The following MDGA2 variants were observed in gnomAD, a reference collection of about 807,000 sequenced individuals.
MDGA2 encodes the protein MAM domain-containing glycosylphosphatidylinositol anchor protein 2.
MDGA2 carries 40 observed loss-of-function variants against 117.8 expected under a neutral mutation model. That is an observed-to-expected ratio of 0.34 (90% CI 0.26 to 0.44). The LOEUF (loss-of-function observed/expected upper bound fraction) is 0.44. Among genes scored for constraint, MDGA2 ranks in the 20% least tolerant of loss-of-function variants. MDGA2 has a pLI of 1.00. For synonymous variants in MDGA2, 452 were observed against 439.0 expected, an observed-to-expected ratio of 1.03 and a Z score of -0.37; for missense variants, 1,123 against 1,250.6, an observed-to-expected ratio of 0.90 and a Z score of 1.54.
At chr14:47,477,023 G>A (rs1014123578) in intron 1 of MDGA2, among the ~76,000 whole-genome samples, 2 of 152,168 alleles carry the variant, frequency 1.3e-5, no homozygotes, top group African/African-American at 4.8e-5. Flanking sequence ...TTTGCCGAGC[G>A]TGGTGGCGCA....
chr14:47,055,419 C>T (rs1366235641), intron 7 of MDGA2, among the ~76,000 whole-genome samples: 1 of 152,000 alleles, frequency 6.6e-6, no homozygotes, highest in Non-Finnish European at 1.5e-5. Flanking sequence ...CTTAATCCAG[C>T]TCAGATGCTA....
chr14:47,607,801 C>T (rs1051944991), intron 1 of MDGA2, among the ~76,000 whole-genome samples: 1 of 151,938 alleles, frequency 6.6e-6, no homozygotes, highest in Non-Finnish European at 1.5e-5. Flanking sequence ...TCAGTATGTT[C>T]AAATAAGTAG....
intron 5 of MDGA2, among the ~76,000 whole-genome samples, chr14:47,110,067 G>A (rs1241459267): frequency 6.6e-6 from 1 of 151,860 alleles, no homozygotes; most frequent in African/African-American, 2.4e-5. Context: ...CAACTTGCAA[G>A]TTATTTCATT....
chr14:47,034,288 T>C (rs1452909231), intron 8 of MDGA2, among the ~76,000 whole-genome samples: 2 of 152,190 alleles, frequency 1.3e-5, no homozygotes, highest in Non-Finnish European at 2.9e-5. Flanking sequence ...TAAAATCAAA[T>C]GTAAAGTCCA....
intron 8 of MDGA2, among the ~76,000 whole-genome samples, chr14:46,985,438 G>A (rs1190209301): frequency 3.3e-5 from 5 of 151,942 alleles, no homozygotes; most frequent in Non-Finnish European, 7.4e-5. Flanking sequence ...AATCATACAT[G>A]TAAGTTTTTA....
intron 10 of MDGA2, among the ~76,000 whole-genome samples, chr14:46,916,458 T>C (rs1883902513): frequency 6.6e-6 from 1 of 152,122 alleles, no homozygotes; most frequent in Non-Finnish European, 1.5e-5. Flanking sequence ...TTAATGCCTT[T>C]GTTTCCTGTT....
chr14:47,022,886 T>A (rs983613205), intron 8 of MDGA2, among the ~76,000 whole-genome samples: 7 of 152,142 alleles, frequency 4.6e-5, no homozygotes, highest in African/African-American at 9.7e-5. Context: ...AAACTTTGAA[T>A]CACAGGTGAT....
At chr14:47,349,935 G>A (rs1016906383) in intron 1 of MDGA2, among the ~76,000 whole-genome samples, 1 of 152,198 alleles carries the variant, frequency 6.6e-6, no homozygotes, top group Non-Finnish European at 1.5e-5. Flanking sequence ...AGATGAGAGG[G>A]CAAGAGCTAT....
intron 1 of MDGA2, among the ~76,000 whole-genome samples, chr14:47,369,909 T>C (rs1378281435): frequency 6.6e-6 from 1 of 152,038 alleles, no homozygotes; most frequent in Non-Finnish European, 1.5e-5. Context: ...ATACAAGCTT[T>C]TAGACATTTA....
chr14:47,398,821 T>G (rs953730834), intron 1 of MDGA2, among the ~76,000 whole-genome samples: 1 of 152,210 alleles, frequency 6.6e-6, no homozygotes, highest in African/African-American at 2.4e-5. Flanking sequence ...TGAGTCTCTA[T>G]GTAGTACAAA....
chr14:47,240,782 G>C (rs1887013790), intron 2 of MDGA2, among the ~76,000 whole-genome samples: 1 of 151,884 alleles, frequency 6.6e-6, no homozygotes, highest in Non-Finnish European at 1.5e-5. Flanking sequence ...CTAAATTGCT[G>C]TTGCCCTCTC....
At chr14:47,041,324 G>GT (rs1238118249) in intron 7 of MDGA2, among the ~76,000 whole-genome samples, 1 of 151,804 alleles carries the variant, frequency 6.6e-6, no homozygotes, top group Non-Finnish European at 1.5e-5. Context: ...TTATCATTTG[G>GT]TTTTTAGGTC....
At chr14:47,012,516 T>C (rs1028077831) in intron 8 of MDGA2, among the ~76,000 whole-genome samples, 3 of 152,154 alleles carry the variant, frequency 2.0e-5, no homozygotes, top group Admixed American at 6.6e-5. Flanking sequence ...GAAAGTAACA[T>C]AGAAGGCTTA....
At chr14:46,946,084 G>A (rs968618435) in intron 9 of MDGA2, among the ~76,000 whole-genome samples, 4 of 151,996 alleles carry the variant, frequency 2.6e-5, no homozygotes, top group Admixed American at 2.6e-4. Context: ...GAGTCAAAAA[G>A]TGGACAAAAA....
At position 47,601,401 on chromosome 14, in the gene MDGA2, A is replaced by T. The variant is rs527578820; in HGVS notation, c.280+73116T>A. ...CCTAGGTTTAGAAGCAAATTTTTTT[A>T]AAAAAAAATCTGTATTGATCAAAGG... On this transcript the variant is annotated intron_variant, in intron 1 of 16. Transcript: ENST00000399232. Among the ~76,000 whole-genome samples, 170 of 149,542 alleles carry T rather than the reference A, an allele frequency of 1.1e-3. 1 individual carries two copies. The highest frequency in any genetic ancestry group is 5.8e-3 in the East Asian group (30 of 5,152).
Position 47,218,177 on chromosome 14 carries a change from C to A in MDGA2, c.439G>T (p.Ala147Ser). 1.3e-6 allele frequency: 2 copies of A among 1,547,912 alleles called. No homozygotes were observed. Among genetic ancestry groups the A allele is most frequent in the Non-Finnish European group, 1.7e-6 (2 of 1,144,998 alleles). Residue 147 changes from alanine to serine, a missense_variant, in exon 3 of 17, where the codon GCA becomes TCA. Coordinates refer to ENST00000399232, the MANE Select transcript of MDGA2 (RefSeq NM_001113498.3). ...TGGAATCTGTCAGAGGCACTTCCTG[C>A]TGTTTTGGTCCACCTGATCTGAGCA... ...PRPQIRWTKT[A>S]GSASDRFQDS...
intron 8 of MDGA2, among the ~76,000 whole-genome samples, chr14:47,027,602 T>G (rs1333346895): frequency 2.1e-5 from 3 of 141,532 alleles, no homozygotes; most frequent in African/African-American, 7.7e-5. Context: ...GTATAGTCAA[T>G]TGCTCTATCT....
intron 6 of MDGA2, among the ~76,000 whole-genome samples, chr14:47,068,260 A>C (rs1433003632): frequency 6.6e-6 from 1 of 152,000 alleles, no homozygotes; most frequent in Admixed American, 6.6e-5. Flanking sequence ...TAAGAATTAG[A>C]GAAAGAAAGG....
chr14:47,432,221 T>C (rs1376052675), intron 1 of MDGA2, among the ~76,000 whole-genome samples: 1 of 152,010 alleles, frequency 6.6e-6, no homozygotes, highest in Non-Finnish European at 1.5e-5. Context: ...ATATTAAAAA[T>C]CTATGGCACA....
Sources: gnomAD v4.1 joint callset for allele counts (sites outside exome capture counted in the v4.1 genomes callset) on GRCh38, gnomAD v4.1.1 for gene constraint, MANE v1.5 for transcripts, NCBI Gene and HGNC (gene_info 2026-07-23, HGNC 2026-07-21) for gene names.